Variants in SLC24A2 observed in about 807,000 individuals in gnomAD.
SLC24A2 encodes the protein solute carrier family 24 member 2.
Under a neutral mutation model 62.0 loss-of-function variants are expected in SLC24A2, and 36 were observed. That is an observed-to-expected ratio of 0.58 (90% CI 0.44 to 0.77). The LOEUF (loss-of-function observed/expected upper bound fraction) is 0.77. Ranked by LOEUF, SLC24A2 falls within the 30% of genes least tolerant of loss-of-function variation. SLC24A2 has a pLI of 0.00. For missense variants in SLC24A2, 846 were observed against 817.9 expected (o/e 1.03, Z -0.42); for synonymous variants, 358 against 294.0 (o/e 1.22, Z -2.23).
chr9:19,832,480 A>G, the SLC24A2 span, among the ~76,000 whole-genome samples: 1 of 152,236 alleles, frequency 6.6e-6, no homozygotes, highest in Non-Finnish European at 1.5e-5. Flanking sequence ...GACGAAAACA[A>G]GAAATGGGGA....
chr9:19,923,126 G>A, the SLC24A2 span, among the ~76,000 whole-genome samples: 2 of 152,018 alleles, frequency 1.3e-5, no homozygotes, highest in Non-Finnish European at 2.9e-5. Context: ...TGTGCCTAGT[G>A]GATAAATTGG....
rs910298834 is a variant in SLC24A2, at chr9:19,632,621, A to G, written c.931-10322T>C. Among the ~76,000 whole-genome samples the G allele has an allele frequency of 1.3e-5, 2 of 152,222 alleles. No homozygotes were observed. The highest frequency in any genetic ancestry group is 2.1e-4 in the South Asian group (1 of 4,834). ...ATCTTAGGTGGCAGGTATTATTAGG[A>G]AACATTTTTAATAACTTCTTATTTG... On this transcript the variant is annotated intron_variant, in intron 2 of 10. Transcript: ENST00000341998. The surrounding 1 kb of genome is among the most constrained non-coding windows in gnomAD (Gnocchi z 4.5).
At chr9:19,686,950 C>A (rs1186145524) in intron 2 of SLC24A2, among the ~76,000 whole-genome samples, 1 of 152,052 alleles carries the variant, frequency 6.6e-6, no homozygotes, top group East Asian at 1.9e-4. Flanking sequence ...TACCATGCAG[C>A]CATAAAAAAG....
Position 19,608,899 on chromosome 9 carries a change from C to G in SLC24A2, c.1078+10685G>C, listed in dbSNP as rs528413269. On this transcript the variant is annotated intron_variant, in intron 4 of 10. Coordinates refer to ENST00000341998, the MANE Select transcript of SLC24A2 (RefSeq NM_020344.4). The stretch of plus-strand genomic sequence containing the variant: ...CAGTGGGCAAGGAGCTACATGCCTG[C>G]TCATCTCAAAGGAACCACGTTTTGG... Among the ~76,000 whole-genome samples, 4 of 152,282 alleles carry G rather than the reference C, an allele frequency of 2.6e-5. No homozygotes were observed. The South Asian group carries it at 8.3e-4, about 32-fold the overall frequency.
At chr9:19,921,409 G>A in the SLC24A2 span, among the ~76,000 whole-genome samples, 4 of 151,552 alleles carry the variant, frequency 2.6e-5, no homozygotes, top group South Asian at 2.1e-4. Context: ...TGTAGTCCCA[G>A]CTACTCGGGA....
chr9:20,186,880 C>A, the SLC24A2 span, among the ~76,000 whole-genome samples: 3 of 152,110 alleles, frequency 2.0e-5, no homozygotes, highest in Non-Finnish European at 4.4e-5. Flanking sequence ...TACATCCATG[C>A]CTGTTTCTAC....
intron 2 of SLC24A2, among the ~76,000 whole-genome samples, chr9:19,640,800 GT>G (rs979363663): frequency 6.6e-6 from 1 of 152,066 alleles, no homozygotes; most frequent in African/African-American, 2.4e-5. Flanking sequence ...TTGCTAATTT[GT>G]TTCTTTAAAT....
chr9:19,641,912 C>G (rs1481462179), intron 2 of SLC24A2, among the ~76,000 whole-genome samples: 1 of 152,158 alleles, frequency 6.6e-6, no homozygotes, highest in South Asian at 2.1e-4. Flanking sequence ...AATCCACCAG[C>G]AAATCCTGTC....
intron 2 of SLC24A2, among the ~76,000 whole-genome samples, chr9:19,730,932 T>G (rs112027959): frequency 6.6e-6 from 1 of 152,086 alleles, no homozygotes; most frequent in East Asian, 1.9e-4. Context: ...AAAAAAGATA[T>G]TCATCTTTCA....
the SLC24A2 span, among the ~76,000 whole-genome samples, chr9:20,035,797 C>A: frequency 7.2e-5 from 11 of 152,196 alleles, no homozygotes; most frequent in East Asian, 1.9e-3. Flanking sequence ...TCTCTCTGAA[C>A]CTTTGAAAGG....
chr9:19,955,095 A>C, the SLC24A2 span, among the ~76,000 whole-genome samples: 1 of 152,136 alleles, frequency 6.6e-6, no homozygotes, highest in Non-Finnish European at 1.5e-5. Context: ...AAATATCTTT[A>C]TATTATGCTC....
At chr9:20,159,184 T>C in the SLC24A2 span, among the ~76,000 whole-genome samples, 1 of 151,798 alleles carries the variant, frequency 6.6e-6, no homozygotes, top group East Asian at 1.9e-4. Context: ...CAACGTGCAG[T>C]AATATGTGGA....
chr9:20,129,698 T>C, the SLC24A2 span, among the ~76,000 whole-genome samples: 2,340 of 152,154 alleles, frequency 0.015, 50 homozygotes, highest in African/African-American at 0.051. Context: ...GTTTTGTGAA[T>C]TGATTTACAT....
At chr9:19,762,793 C>CTTT (rs58241037) in intron 2 of SLC24A2, among the ~76,000 whole-genome samples, 21,756 of 101,756 alleles carry the variant, frequency 0.21, 2,985 homozygotes, top group Non-Finnish European at 0.29. Flanking sequence ...GCTATATGTG[C>CTTT]TTTTTTTTTT....
chr9:19,516,198 G>A lies in SLC24A2; in HGVS notation c.1941C>T (p.Ser647=), dbSNP rs771441938. 17 of 1,614,052 alleles carry A rather than the reference G, an allele frequency of 1.1e-5. No individual in the cohort carries two copies. The highest frequency in any genetic ancestry group is 1.7e-5 in the Admixed American group (1 of 60,012). Residue 647 remains serine (S), a synonymous_variant, in exon 11 of 11, where the codon AGC becomes AGT. Coordinates refer to ENST00000341998, the MANE Select transcript of SLC24A2 (RefSeq NM_020344.4). ...FGLYFVFLVV[S]VLLEDRILTC... is the part of the protein sequence containing the mutation. ...TAAGAATTCTGTCTTCTAGGAGAAC[G>A]CTCACCACCAGGAACACAAAGTAGA...
At chr9:20,166,926 A>G in the SLC24A2 span, among the ~76,000 whole-genome samples, 1 of 151,990 alleles carries the variant, frequency 6.6e-6, no homozygotes, top group Non-Finnish European at 1.5e-5. Context: ...ACCACAGCCT[A>G]ACTGCCCAGG....
the SLC24A2 span, among the ~76,000 whole-genome samples, chr9:20,044,753 GT>G: frequency 2.0e-5 from 3 of 151,844 alleles, no homozygotes; most frequent in Non-Finnish European, 4.4e-5. Flanking sequence ...CTATTTTTTT[GT>G]TTGTTTCTTT....
chr9:19,976,266 C>G, the SLC24A2 span, among the ~76,000 whole-genome samples: 1 of 152,196 alleles, frequency 6.6e-6, no homozygotes, highest in Admixed American at 6.5e-5. Context: ...GTCTCTGTAT[C>G]CCCACCCAAA....
the SLC24A2 span, among the ~76,000 whole-genome samples, chr9:19,969,185 A>C: frequency 1.5e-5 from 2 of 131,230 alleles, no homozygotes; most frequent in Middle Eastern, 4.2e-3. Flanking sequence ...CTCCTTTGCC[A>C]CACACACACA....
Sources: allele counts gnomAD v4.1 joint callset (sites outside exome capture counted in the v4.1 genomes callset), GRCh38; gene constraint gnomAD v4.1.1; non-coding constraint Gnocchi (gnomAD v3.1); transcripts MANE v1.5; gene names NCBI Gene and HGNC (gene_info 2026-07-23, HGNC 2026-07-21).